The following GRB2 variants were observed in gnomAD, a reference collection of about 807,000 sequenced individuals.
GRB2 encodes the protein growth factor receptor bound protein 2.
GRB2 carries 2 observed loss-of-function variants against 27.4 expected under a neutral mutation model. The observed-to-expected ratio is 0.07, with a 90% confidence interval of 0.03 to 0.23. The LOEUF (loss-of-function observed/expected upper bound fraction) is 0.23, where lower values mean the gene tolerates loss of function less well. GRB2 is among the 10% of genes least tolerant of loss of function. The probability of loss-of-function intolerance (pLI) is 1.00; values close to 1 mark genes in which losing one functional copy is unlikely to be tolerated. For missense variants in GRB2, 102 were observed against 282.4 expected (o/e 0.36, Z 4.58); for synonymous variants, 94 against 99.6 (o/e 0.94, Z 0.33).
intron 2 of GRB2, among the ~76,000 whole-genome samples, chr17:75,347,620 C>T (rs538651371): frequency 6.6e-6 from 1 of 152,148 alleles, no homozygotes; most frequent in South Asian, 2.1e-4. Context: ...CCCTCCTCAC[C>T]CTTAAATTGC....
At chr17:75,331,373 G>T (rs754042290) in intron 3 of GRB2, among the ~76,000 whole-genome samples, 1 of 152,130 alleles carries the variant, frequency 6.6e-6, no homozygotes, top group South Asian at 2.1e-4. Context: ...CAAGGCAAGG[G>T]AGTGACTGTC....
chr17:75,387,886 G>T (rs2078974929), intron 2 of GRB2: 1 of 151,970 alleles, frequency 6.6e-6, no homozygotes, highest in African/African-American at 2.4e-5. Context: ...GATTCTGAAG[G>T]AATACTACAT....
chr17:75,367,593 G>T (rs147800232), intron 2 of GRB2, among the ~76,000 whole-genome samples: 362 of 152,324 alleles, frequency 2.4e-3, no homozygotes, highest in African/African-American at 8.2e-3. Flanking sequence ...TATGCATAAA[G>T]AAGTTACCTT....
chr17:75,324,451 C>T (rs2145819523), intron 4 of GRB2, among the ~76,000 whole-genome samples: 1 of 133,828 alleles, frequency 7.5e-6, no homozygotes, highest in East Asian at 2.3e-4. Flanking sequence ...CTCAGGTGAT[C>T]TGCCTGCCTC....
chr17:75,349,486 C>A (rs2145838841), intron 2 of GRB2, among the ~76,000 whole-genome samples: 1 of 149,072 alleles, frequency 6.7e-6, no homozygotes, highest in African/African-American at 2.4e-5. Flanking sequence ...CTGGTTCGAG[C>A]CTTCTGTTTT....
chr17:75,394,067 T>C, intron 1 of GRB2: 1 of 181,590 alleles, frequency 5.5e-6, no homozygotes, highest in Non-Finnish European at 1.2e-5. Flanking sequence ...CCACTCAGTC[T>C]CCGCCTTTCC....
intron 4 of GRB2, among the ~76,000 whole-genome samples, chr17:75,324,556 C>T (rs1419141809): frequency 8.3e-6 from 1 of 121,162 alleles, no homozygotes; most frequent in Non-Finnish European, 1.6e-5. Context: ...TTTTGCTCTT[C>T]GCCCAGGCTA....
In GRB2 at chr17:75,320,608, A is replaced by C; in HGVS notation, c.469-55T>G. The C allele has an allele frequency of 1.4e-6, 2 of 1,383,976 alleles. No homozygotes were observed. Among genetic ancestry groups the C allele is most frequent in the Non-Finnish European group, 2.0e-6 (2 of 977,092 alleles). The allele number at this position is 1,383,976 out of a possible 1,614,324, so 85.7% of individuals were successfully genotyped here. A position where few individuals can be genotyped will look rare whatever the true frequency, so the allele number is the denominator to read the frequency against. On this transcript the variant is annotated intron_variant, in intron 5 of 5. Transcript: ENST00000316804. This position sits in a 1 kb window ranked among gnomAD's most constrained non-coding sequence, Gnocchi z 4.3. ...TTGCATTCCTGGTCTGTGACTGGCC[A>C]CCTCCGAGGCCAGATGGGTTCCAGG...
intron 2 of GRB2, among the ~76,000 whole-genome samples, chr17:75,355,739 G>A (rs4789175): frequency 0.88 from 134,163 of 151,598 alleles, 60,222 homozygotes; most frequent in Non-Finnish European, 0.96. Context: ...TTTGACCTAA[G>A]TTATTTGCTC....
At chr17:75,380,020 T>C (rs1316470186) in intron 2 of GRB2, among the ~76,000 whole-genome samples, 2 of 152,238 alleles carry the variant, frequency 1.3e-5, no homozygotes, top group South Asian at 2.1e-4. Flanking sequence ...GAAATCTAGA[T>C]AGCAAGACCA....
Position 75,396,648 on chromosome 17 carries a change from A to C in GRB2, c.-137-2883T>G, listed in dbSNP as rs576792130. The stretch of plus-strand genomic sequence containing the variant: ...AGCAATCTGCCTGCCTCGGCCTCCC[A>C]AAGTGCTAGGAATACAGGGGAGAGT... On this transcript the variant is annotated intron_variant, in intron 1 of 5. Coordinates refer to ENST00000316804, the MANE Select transcript of GRB2 (RefSeq NM_002086.5). 1.8e-4 allele frequency among the ~76,000 whole-genome samples: 27 copies of C among 152,080 alleles called. No homozygotes were observed. In the South Asian group the frequency reaches 5.6e-3, roughly 32 times the overall value.
At position 75,325,648 on chromosome 17, in the gene GRB2, G is replaced by A. The variant is rs533113904; in HGVS notation, c.299+250C>T. ...GGAGTGCTGGGCACTAGGGAAAACTGGCAGGCTCCAGCTGGCTGCAGGGAG... is the reference window on the plus strand; with the variant it reads ...GGAGTGCTGGGCACTAGGGAAAACTAGCAGGCTCCAGCTGGCTGCAGGGAG... On this transcript the variant is annotated intron_variant, in intron 4 of 5. Coordinates refer to ENST00000316804, the MANE Select transcript of GRB2 (RefSeq NM_002086.5). 4.6e-5 allele frequency among the ~76,000 whole-genome samples: 7 copies of A among 152,356 alleles called. No homozygotes were observed. The East Asian group carries it at 1.3e-3, about 29-fold the overall frequency.
chr17:75,324,400 G>T (rs1296752708), intron 4 of GRB2, among the ~76,000 whole-genome samples: 2 of 145,976 alleles, frequency 1.4e-5, no homozygotes, highest in African/African-American at 5.1e-5. Flanking sequence ...AGTAGAGACA[G>T]GGTTTTACCA....
intron 2 of GRB2, among the ~76,000 whole-genome samples, chr17:75,380,309 T>C (rs2078919881): frequency 6.6e-6 from 1 of 151,070 alleles, no homozygotes; most frequent in African/African-American, 2.4e-5. Context: ...TTTTGTTTTT[T>C]ACTGCTTTTT....
chr17:75,356,968 T>C (rs1455537493), intron 2 of GRB2, among the ~76,000 whole-genome samples: 1 of 152,232 alleles, frequency 6.6e-6, no homozygotes, highest in African/African-American at 2.4e-5. Flanking sequence ...CTCATTCCTT[T>C]AGTTTCCCCA....
At chr17:75,389,887 T>TAAAA (rs1176789510) in intron 2 of GRB2, among the ~76,000 whole-genome samples, 1 of 152,134 alleles carries the variant, frequency 6.6e-6, no homozygotes, top group African/African-American at 2.4e-5. Context: ...TAAAAGATCT[T>TAAAA]TTCCTGTTCT....
intron 2 of GRB2, among the ~76,000 whole-genome samples, chr17:75,352,174 A>G (rs1405575255): frequency 6.6e-6 from 1 of 152,138 alleles, no homozygotes; most frequent in African/African-American, 2.4e-5. Context: ...GCTCAGGAGG[A>G]GCAGGTTCAG....
intron 4 of GRB2, among the ~76,000 whole-genome samples, chr17:75,322,561 T>C (rs151099322): frequency 3.5e-4 from 54 of 152,250 alleles, no homozygotes; most frequent in African/African-American, 1.3e-3. Context: ...TAGTTCAAAG[T>C]AATGTTTTCC....
intron 3 of GRB2, among the ~76,000 whole-genome samples, chr17:75,330,750 C>T (rs1460481908): frequency 1.3e-5 from 2 of 151,586 alleles, no homozygotes; most frequent in African/African-American, 2.4e-5. Context: ...ATAGCAAGGG[C>T]GAGAGCTAAG....
Sources: gnomAD v4.1 joint callset for allele counts (sites outside exome capture counted in the v4.1 genomes callset) on GRCh38, gnomAD v4.1.1 for gene constraint, Gnocchi (gnomAD v3.1) non-coding constraint, MANE v1.5 for transcripts, NCBI Gene and HGNC (gene_info 2026-07-23, HGNC 2026-07-21) for gene names.